WWOX: variants seen among roughly 807,000 people sequenced by gnomAD.
WWOX encodes WW domain-containing oxidoreductase.
In WWOX, 69 loss-of-function variants were observed where a neutral mutation model predicts 46.2. The ratio of observed to expected loss-of-function variants is 1.49; its 90% CI spans 1.23 to 1.82. WWOX has a LOEUF of 1.82. Among genes scored for constraint, WWOX ranks in the 40% most tolerant of loss-of-function variants. WWOX has a pLI of 0.00. For missense variants in WWOX, 919 were observed against 542.6 expected (o/e 1.69, Z -6.89); for synonymous variants, 359 against 202.6 (o/e 1.77, Z -6.56).
At chr16:78,792,381 A>G (rs1399012036) in intron 8 of WWOX, among the ~76,000 whole-genome samples, 1 of 152,162 alleles carries the variant, frequency 6.6e-6, no homozygotes, top group East Asian at 1.9e-4. Flanking sequence ...AGAAAAAAAC[A>G]GGCAGAAACA....
intron 1 of WWOX, among the ~76,000 whole-genome samples, chr16:78,101,868 T>A (rs1164339102): frequency 1.3e-5 from 2 of 152,130 alleles, no homozygotes; most frequent in Non-Finnish European, 1.5e-5. Flanking sequence ...TAGGACCCAA[T>A]CTTATTAGGG....
At chr16:78,674,141 C>T (rs560311742) in intron 8 of WWOX, among the ~76,000 whole-genome samples, 1 of 152,104 alleles carries the variant, frequency 6.6e-6, no homozygotes, top group Non-Finnish European at 1.5e-5. Flanking sequence ...TAAAATCCAA[C>T]AGCTCTCTTT....
intron 8 of WWOX, among the ~76,000 whole-genome samples, chr16:79,180,055 C>T (rs1456991016): frequency 6.6e-6 from 1 of 151,928 alleles, no homozygotes; most frequent in Non-Finnish European, 1.5e-5. Flanking sequence ...CACTGAGTTG[C>T]TTTTTGAGAG....
At chr16:78,569,619 A>G (rs923753295) in intron 8 of WWOX, among the ~76,000 whole-genome samples, 21 of 152,358 alleles carry the variant, frequency 1.4e-4, no homozygotes, top group African/African-American at 5.1e-4. Flanking sequence ...GTACTTCTCA[A>G]TACTACACTG....
At chr16:78,177,411 G>A (rs2035386487) in intron 5 of WWOX, among the ~76,000 whole-genome samples, 1 of 152,192 alleles carries the variant, frequency 6.6e-6, no homozygotes, top group East Asian at 1.9e-4. Flanking sequence ...TGGGTAGTGT[G>A]GTAAGAGTGA....
intron 5 of WWOX, among the ~76,000 whole-genome samples, chr16:78,260,237 G>T (rs1373666585): frequency 6.6e-6 from 1 of 151,582 alleles, no homozygotes; most frequent in African/African-American, 2.4e-5. Flanking sequence ...CTACAGCAGT[G>T]TTACTGGGAA....
intron 8 of WWOX, among the ~76,000 whole-genome samples, chr16:78,993,269 G>T (rs1042241576): frequency 1.3e-5 from 2 of 151,976 alleles, no homozygotes; most frequent in African/African-American, 4.8e-5. Context: ...TTTGGGGGTG[G>T]GGGGAGGTTG....
At chr16:78,406,246 A>G (rs539284333) in intron 6 of WWOX, among the ~76,000 whole-genome samples, 222 of 139,594 alleles carry the variant, frequency 1.6e-3, no homozygotes, top group Non-Finnish European at 2.7e-3. Flanking sequence ...CTATTTGTGA[A>G]ATTGATTTTG....
At chr16:78,768,925 G>C (rs1016923681) in intron 8 of WWOX, among the ~76,000 whole-genome samples, 1 of 152,106 alleles carries the variant, frequency 6.6e-6, no homozygotes, top group Non-Finnish European at 1.5e-5. Context: ...TGGTGTAGGG[G>C]AGGAGGACGG....
At chr16:78,935,902 A>C (rs1446404621) in intron 8 of WWOX, among the ~76,000 whole-genome samples, 1 of 151,950 alleles carries the variant, frequency 6.6e-6, no homozygotes, top group Non-Finnish European at 1.5e-5. Context: ...ACAGAGTGAG[A>C]CCCTGTCTCA....
At chr16:78,899,880 C>G (rs78619606) in intron 8 of WWOX, among the ~76,000 whole-genome samples, 6,102 of 152,182 alleles carry the variant, frequency 0.04, 153 homozygotes, top group Non-Finnish European at 0.063. Flanking sequence ...AAATACAGCC[C>G]ATTAACACTT....
chr16:78,830,381 C>T (rs113998654), intron 8 of WWOX, among the ~76,000 whole-genome samples: 1,688 of 152,092 alleles, frequency 0.011, 34 homozygotes, highest in African/African-American at 0.039. Context: ...AAAGTAGTGC[C>T]GTATGGCTGG....
intron 8 of WWOX, among the ~76,000 whole-genome samples, chr16:78,773,313 T>C (rs2039081246): frequency 6.6e-6 from 1 of 152,188 alleles, no homozygotes; most frequent in African/African-American, 2.4e-5. Context: ...GGACTGTCAG[T>C]CATTAGCACT....
At chr16:79,143,101 T>C (rs2050120676) in intron 8 of WWOX, among the ~76,000 whole-genome samples, 1 of 152,140 alleles carries the variant, frequency 6.6e-6, no homozygotes, top group Non-Finnish European at 1.5e-5. Context: ...GTATTTGGCT[T>C]TGAAAAAAAA....
intron 8 of WWOX, among the ~76,000 whole-genome samples, chr16:78,697,657 C>T (rs998783802): frequency 6.6e-6 from 1 of 152,146 alleles, no homozygotes; most frequent in Admixed American, 6.5e-5. Context: ...AAATGCTCAA[C>T]ATCACTAATG....
At chr16:79,090,280 CGT>C (rs61538157) in intron 8 of WWOX, among the ~76,000 whole-genome samples, 8,919 of 138,126 alleles carry the variant, frequency 0.065, 422 homozygotes, top group South Asian at 0.13. Flanking sequence ...CTACTGTGTG[CGT>C]GTGTGTGTGT....
At chr16:78,108,342 G>C in intron 1 of WWOX, 81 bp from the exon 2 acceptor site, 2 of 1,420,794 alleles carry the variant, frequency 1.4e-6, no homozygotes, top group African/African-American at 1.4e-5. Flanking sequence ...CTATCTGGGA[G>C]AGAAAAAATT....
At chr16:78,571,378 T>G (rs534558024) in intron 8 of WWOX, among the ~76,000 whole-genome samples, 190 of 152,292 alleles carry the variant, frequency 1.2e-3, no homozygotes, top group African/African-American at 4.5e-3. Context: ...TATATATATA[T>G]ATAGTGTGCA....
intron 8 of WWOX, among the ~76,000 whole-genome samples, chr16:79,139,727 A>C (rs1446774650): frequency 6.6e-6 from 1 of 152,210 alleles, no homozygotes; most frequent in Non-Finnish European, 1.5e-5. Flanking sequence ...GACTTTCACC[A>C]GAATGATTTA....
Sources: allele counts gnomAD v4.1 joint callset (sites outside exome capture counted in the v4.1 genomes callset), GRCh38; gene constraint gnomAD v4.1.1; transcripts MANE v1.5; gene names NCBI Gene and HGNC (gene_info 2026-07-23, HGNC 2026-07-21).